SUSD5: variants seen among roughly 807,000 people sequenced by gnomAD.
SUSD5 encodes sushi domain-containing protein 5.
SUSD5 carries 33 observed loss-of-function variants against 29.5 expected under a neutral mutation model. The ratio of observed to expected loss-of-function variants is 1.12; its 90% CI spans 0.85 to 1.49. The LOEUF (loss-of-function observed/expected upper bound fraction) is 1.49. Among genes scored for constraint, SUSD5 ranks in the 40% most tolerant of loss-of-function variants. The probability of loss-of-function intolerance (pLI) is 0.00; values close to 1 mark genes in which losing one functional copy is unlikely to be tolerated. For missense variants in SUSD5, 776 were observed against 800.6 expected, an observed-to-expected ratio of 0.97 and a Z score of 0.37; for synonymous variants, 308 against 325.3, an observed-to-expected ratio of 0.95 and a Z score of 0.57.
intron 3 of SUSD5, among the ~76,000 whole-genome samples, chr3:33,184,136 C>T (rs1030612180): frequency 5.3e-5 from 8 of 151,516 alleles, no homozygotes; most frequent in African/African-American, 1.9e-4. Context: ...GATGGGGTTT[C>T]ACCATGTTGG....
intron 3 of SUSD5, among the ~76,000 whole-genome samples, chr3:33,184,117 T>G (rs903766210): frequency 3.3e-5 from 5 of 151,514 alleles, no homozygotes; most frequent in Non-Finnish European, 7.4e-5. Flanking sequence ...TTTTTGTATT[T>G]TTAGTAGAGA....
intron 3 of SUSD5, among the ~76,000 whole-genome samples, chr3:33,194,680 T>G (rs959754270): frequency 1.3e-5 from 2 of 151,912 alleles, no homozygotes; most frequent in African/African-American, 4.8e-5. Flanking sequence ...ACTTAACTGA[T>G]AAGGCAGAAA....
intron 3 of SUSD5, among the ~76,000 whole-genome samples, chr3:33,190,972 T>C (rs2031878740): frequency 6.6e-6 from 1 of 152,158 alleles, no homozygotes; most frequent in Non-Finnish European, 1.5e-5. Context: ...ATATCCAAAG[T>C]CCAGTAAGAT....
intron 3 of SUSD5, among the ~76,000 whole-genome samples, chr3:33,191,836 T>C (rs549551692): frequency 6.6e-6 from 1 of 152,228 alleles, no homozygotes; most frequent in East Asian, 1.9e-4. Context: ...TACTAGCTAC[T>C]CAGGCAGCTG....
At chr3:33,170,562 G>A (rs1401227997) in intron 4 of SUSD5, among the ~76,000 whole-genome samples, 3 of 152,162 alleles carry the variant, frequency 2.0e-5, no homozygotes, top group African/African-American at 7.2e-5. Flanking sequence ...CAGCCTGGTC[G>A]GCGTGTGGCT....
intron 3 of SUSD5, among the ~76,000 whole-genome samples, chr3:33,198,824 G>C (rs1217796344): frequency 6.6e-6 from 1 of 152,126 alleles, no homozygotes; most frequent in East Asian, 1.9e-4. Flanking sequence ...AAGAGATGTG[G>C]TACACTGCAG....
chr3:33,174,760 G>T, intron 4 of SUSD5, 126 bp downstream of exon 4: 1 of 1,045,882 alleles, frequency 9.6e-7, no homozygotes, highest in Non-Finnish European at 1.4e-6. Context: ...TCAGGATAAA[G>T]GTCTGAAAGC....
At position 33,153,571 on chromosome 3, in the gene SUSD5, T is replaced by C. The variant is rs1345175766; in HGVS notation, c.1061A>G (p.Asn354Ser). ...DGPSGPFVGK[N>S]DSKAGDPVVS... The stretch of plus-strand genomic sequence containing the variant: ...CACTGGATCTCCTGCCTTGCTGTCA[T>C]TCTTGCCCACAAATGGCCCCGAGGG... The change falls in exon 5 of 5, where the codon AAT becomes AGT. Residue 354 changes from asparagine to serine, a missense_variant. Transcript: ENST00000309558. 1 of 1,613,926 alleles carries C rather than the reference T, an allele frequency of 6.2e-7. No individual in the cohort carries two copies. Among genetic ancestry groups the C allele is most frequent in the African/African-American group, 1.3e-5 (1 of 74,944 alleles).
chr3:33,186,170 C>T lies in SUSD5; in HGVS notation c.410-11096G>A, dbSNP rs557625694. On this transcript the variant is annotated intron_variant, in intron 3 of 4. Coordinates refer to ENST00000309558, the MANE Select transcript of SUSD5 (RefSeq NM_015551.2). Reference sequence around the variant, plus strand: ...ACAAAAAATTAGCTGGGCGTGGTGGCAGGCGCCTGTAGTCCCAGCTACTCG... The same window carrying T: ...ACAAAAAATTAGCTGGGCGTGGTGGTAGGCGCCTGTAGTCCCAGCTACTCG... 1.8e-4 allele frequency among the ~76,000 whole-genome samples: 27 copies of T among 151,810 alleles called. No individual in the cohort carries two copies. The East Asian group carries it at 5.0e-3, about 28-fold the overall frequency.
chr3:33,170,615 C>G (rs551785689), intron 4 of SUSD5, among the ~76,000 whole-genome samples: 1 of 152,320 alleles, frequency 6.6e-6, no homozygotes, highest in South Asian at 2.1e-4. Context: ...CTTTTGCTAC[C>G]CACCAGGTAT....
intron 3 of SUSD5, among the ~76,000 whole-genome samples, chr3:33,185,391 G>C (rs2031757409): frequency 6.6e-6 from 1 of 152,190 alleles, no homozygotes; most frequent in Non-Finnish European, 1.5e-5. Context: ...ACTTCCAAAA[G>C]CATGGGGGCC....
At chr3:33,211,113 T>G (rs1193480511) in intron 2 of SUSD5, among the ~76,000 whole-genome samples, 1 of 152,190 alleles carries the variant, frequency 6.6e-6, no homozygotes. Flanking sequence ...AGGCTGGTCT[T>G]GAACTCCCGA....
chr3:33,182,235 C>G lies in SUSD5; in HGVS notation c.410-7161G>C, dbSNP rs138643015. 7.2e-5 allele frequency among the ~76,000 whole-genome samples: 11 copies of G among 152,228 alleles called. No individual in the cohort carries two copies. In the East Asian group the frequency reaches 2.1e-3, roughly 29 times the overall value. On this transcript the variant is annotated intron_variant, in intron 3 of 4. Coordinates refer to ENST00000309558, the MANE Select transcript of SUSD5 (RefSeq NM_015551.2). Reference sequence around the variant, plus strand: ...AATCTCCAAGGACTTTGGGATTTTCCAGCTATCATTCTGTTATTGTTTTCT... The same window carrying G: ...AATCTCCAAGGACTTTGGGATTTTCGAGCTATCATTCTGTTATTGTTTTCT...
intron 4 of SUSD5, among the ~76,000 whole-genome samples, chr3:33,170,546 AAC>A (rs1333515949): frequency 1.3e-5 from 2 of 152,216 alleles, no homozygotes; most frequent in Non-Finnish European, 2.9e-5. Context: ...GTTGCTTGTG[AAC>A]ACACAGCCTG....
chr3:33,184,053 T>G (rs2031731692), intron 3 of SUSD5, among the ~76,000 whole-genome samples: 1 of 148,432 alleles, frequency 6.7e-6, no homozygotes, highest in African/African-American at 2.5e-5. Context: ...TTCTCCTGCC[T>G]CAGCCTACTG....
intron 2 of SUSD5, among the ~76,000 whole-genome samples, chr3:33,208,434 T>C (rs2032264478): frequency 6.6e-6 from 1 of 152,184 alleles, no homozygotes; most frequent in Non-Finnish European, 1.5e-5. Context: ...AAGGATATCT[T>C]TTCTAAACAG....
chr3:33,209,201 TATAAAA>T (rs1365130368), intron 2 of SUSD5, among the ~76,000 whole-genome samples: 1 of 152,224 alleles, frequency 6.6e-6, no homozygotes, highest in African/African-American at 2.4e-5. Flanking sequence ...ATTTTTAATT[TATAAAA>T]ATATTCTTTT....
intron 4 of SUSD5, among the ~76,000 whole-genome samples, chr3:33,169,664 C>T (rs556526318): frequency 9.2e-5 from 14 of 152,304 alleles, no homozygotes; most frequent in African/African-American, 3.4e-4. Context: ...GTTCTCAATG[C>T]CTAACTGGGC....
At chr3:33,181,191 G>A (rs2031665496) in intron 3 of SUSD5, among the ~76,000 whole-genome samples, 1 of 151,912 alleles carries the variant, frequency 6.6e-6, no homozygotes, top group South Asian at 2.1e-4. Context: ...CATAAATTTA[G>A]TGTAGTCTAA....
Sources: allele counts gnomAD v4.1 joint callset (sites outside exome capture counted in the v4.1 genomes callset), GRCh38; gene constraint gnomAD v4.1.1; transcripts MANE v1.5; gene names NCBI Gene and HGNC (gene_info 2026-07-23, HGNC 2026-07-21).